Variants in PEAK1 observed in about 807,000 individuals in gnomAD.
PEAK1 encodes pseudopodium enriched atypical kinase 1.
In PEAK1, 54 loss-of-function variants were observed where a neutral mutation model predicts 124.7. That is an observed-to-expected ratio of 0.43 (90% CI 0.35 to 0.54). The LOEUF is 0.54. PEAK1 is among the 20% of genes least tolerant of loss of function. The pLI is 0.01. For synonymous variants in PEAK1, 719 were observed against 760.0 expected, an observed-to-expected ratio of 0.95 and a Z score of 0.89; for missense variants, 2,046 against 2,134.5, an observed-to-expected ratio of 0.96 and a Z score of 0.82.
intron 6 of PEAK1, among the ~76,000 whole-genome samples, chr15:77,233,558 C>T (rs2059994074): frequency 1.3e-5 from 2 of 152,150 alleles, no homozygotes; most frequent in African/African-American, 4.8e-5. Context: ...AAAAATATCC[C>T]TATCTTCCTT....
At chr15:77,128,533 G>A (rs1351806464) in intron 9 of PEAK1, among the ~76,000 whole-genome samples, 2 of 152,226 alleles carry the variant, frequency 1.3e-5, no homozygotes, top group Non-Finnish European at 2.9e-5. Flanking sequence ...GCAGAGCCAT[G>A]GTGGTGATGG....
chr15:77,393,902 T>C (rs1362989596), intron 1 of PEAK1, among the ~76,000 whole-genome samples: 1 of 152,172 alleles, frequency 6.6e-6, no homozygotes, highest in Non-Finnish European at 1.5e-5. Flanking sequence ...CCCACTGCTC[T>C]GAAGGGAGAG....
intron 2 of PEAK1, chr15:77,337,108 C>T (rs992290419): frequency 4.1e-6 from 4 of 983,480 alleles, no homozygotes; most frequent in African/African-American, 1.8e-5. Context: ...AATCAAGATG[C>T]GGGGCTAGCC....
At chr15:77,375,144 C>T (rs1298248914) in intron 1 of PEAK1, among the ~76,000 whole-genome samples, 2 of 152,156 alleles carry the variant, frequency 1.3e-5, no homozygotes, top group South Asian at 4.1e-4. Context: ...GTAATAGTTA[C>T]AGTATCTATC....
chr15:77,138,730 C>T (rs572505769), intron 8 of PEAK1, among the ~76,000 whole-genome samples: 109 of 152,096 alleles, frequency 7.2e-4, no homozygotes, highest in African/African-American at 2.4e-3. Flanking sequence ...GGCATGGTGG[C>T]GCATGCCTAT....
intron 1 of PEAK1, chr15:77,419,308 G>A (rs139972373): frequency 0.019 from 18,715 of 985,390 alleles, 202 homozygotes; most frequent in Middle Eastern, 0.027. Flanking sequence ...GACGAGAGGG[G>A]AGGGGGCAGA....
chr15:77,414,337 G>C (rs1208666210), intron 1 of PEAK1, among the ~76,000 whole-genome samples: 1 of 149,726 alleles, frequency 6.7e-6, no homozygotes, highest in African/African-American at 2.5e-5. Context: ...AGCCTCCTGA[G>C]TAGGTGGGAC....
chr15:77,255,270 TAAC>T, intron 5 of PEAK1: 1 of 733,302 alleles, frequency 1.4e-6, no homozygotes, highest in Non-Finnish European at 1.7e-6. Context: ...TCCTGTGTAA[TAAC>T]AACAATGAAA....
intron 5 of PEAK1, among the ~76,000 whole-genome samples, chr15:77,273,079 A>G (rs1465804567): frequency 6.6e-6 from 1 of 152,178 alleles, no homozygotes; most frequent in Non-Finnish European, 1.5e-5. Flanking sequence ...TGTATGATTA[A>G]AACCCTCAGC....
chr15:77,298,889 C>G (rs2063648352), intron 2 of PEAK1, among the ~76,000 whole-genome samples: 1 of 152,184 alleles, frequency 6.6e-6, no homozygotes. Context: ...CTCCATCAAG[C>G]AGCACCTAGG....
chr15:77,125,478 C>CTGTG (rs750849074), intron 9 of PEAK1, among the ~76,000 whole-genome samples: 4 of 149,964 alleles, frequency 2.7e-5, no homozygotes, highest in Middle Eastern at 3.4e-3. Context: ...GCTCTCAGCA[C>CTGTG]TGTGTGTGTG....
chr15:77,164,300 G>A (rs2055913185), intron 7 of PEAK1, among the ~76,000 whole-genome samples: 1 of 152,086 alleles, frequency 6.6e-6, no homozygotes, highest in South Asian at 2.1e-4. Context: ...TTCTTATCCT[G>A]AACTGAGATT....
At chr15:77,253,251 G>C (rs989374542) in intron 5 of PEAK1, among the ~76,000 whole-genome samples, 3 of 149,628 alleles carry the variant, frequency 2.0e-5, no homozygotes, top group African/African-American at 7.3e-5. Context: ...GCGTTGGGGG[G>C]GGGGTGGTCC....
At chr15:77,340,142 G>A (rs1283480979) in intron 2 of PEAK1, among the ~76,000 whole-genome samples, 1 of 152,308 alleles carries the variant, frequency 6.6e-6, no homozygotes, top group Middle Eastern at 3.4e-3. Flanking sequence ...TCTGATTTGA[G>A]AACCAATGTC....
At chr15:77,349,262 A>G (rs1382320593) in intron 2 of PEAK1, 1 of 587,782 alleles carries the variant, frequency 1.7e-6, no homozygotes, top group Non-Finnish European at 2.1e-6. Flanking sequence ...GATGGTCTCG[A>G]TCTTCTGACC....
At chr15:77,342,479 T>C (rs2066606990) in intron 2 of PEAK1, among the ~76,000 whole-genome samples, 1 of 149,914 alleles carries the variant, frequency 6.7e-6, no homozygotes, top group South Asian at 2.1e-4. Flanking sequence ...TGATTACAGC[T>C]CACTGCAGCT....
chr15:77,294,459 T>A (rs1309234211), intron 2 of PEAK1, among the ~76,000 whole-genome samples: 1 of 152,212 alleles, frequency 6.6e-6, no homozygotes, highest in Non-Finnish European at 1.5e-5. Flanking sequence ...CATTAACAAG[T>A]TATCGAGAGG....
At chr15:77,342,274 C>T (rs1206801928) in intron 2 of PEAK1, among the ~76,000 whole-genome samples, 1 of 151,778 alleles carries the variant, frequency 6.6e-6, no homozygotes, top group Admixed American at 6.6e-5. Flanking sequence ...ACTTTTTTAT[C>T]ATGCAAATCT....
chr15:77,417,679 C>T, intron 1 of PEAK1: 1 of 985,412 alleles, frequency 1.0e-6, no homozygotes, highest in Non-Finnish European at 1.2e-6. Context: ...CAGGTATCAA[C>T]ACAAATGGCT....
Sources: gnomAD v4.1 joint callset for allele counts (sites outside exome capture counted in the v4.1 genomes callset) on GRCh38, gnomAD v4.1.1 for gene constraint, MANE v1.5 for transcripts, NCBI Gene and HGNC (gene_info 2026-07-23, HGNC 2026-07-21) for gene names.